Variants in WNT7B observed in about 807,000 individuals in gnomAD.
The protein encoded by WNT7B is protein Wnt-7b.
A neutral mutation model predicts 38.2 loss-of-function variants in WNT7B; 19 were observed. The ratio of observed to expected loss-of-function variants is 0.50; its 90% CI spans 0.35 to 0.73. The LOEUF is 0.73. Among genes scored for constraint, WNT7B ranks in the 30% least tolerant of loss-of-function variants. The pLI is 0.01. For missense variants in WNT7B, 423 were observed against 507.9 expected (o/e 0.83, Z 1.61); for synonymous variants, 243 against 209.3 (o/e 1.16, Z -1.39).
chr22:45,959,296 A>G (rs969081682), intron 1 of WNT7B, among the ~76,000 whole-genome samples: 4 of 152,158 alleles, frequency 2.6e-5, no homozygotes, highest in Non-Finnish European at 5.9e-5. Context: ...AGACTGTGTA[A>G]CAGGTCAGTC....
At position 45,920,479 on chromosome 22, in the gene WNT7B, C is replaced by A. The variant is rs1040902260; in HGVS notation, c.*2377G>T. On this transcript the variant is annotated 3_prime_UTR_variant, in exon 4 of 4. Transcript: ENST00000339464. ...ATCACCCCCATCTGGGCCACCCTGA[C>A]CCCCGTCTCACCCAGGCAAAGGGCC... 1 of 152,132 alleles carries A rather than the reference C, an allele frequency of 6.6e-6. No homozygotes were observed. The highest frequency in any genetic ancestry group is 1.5e-5 in the Non-Finnish European group (1 of 68,102). 9.4% of individuals were successfully genotyped at this position (152,132 alleles called of 1,614,324 possible). A position where few individuals can be genotyped will look rare whatever the true frequency, so the allele number is the denominator to read the frequency against.
At chr22:45,946,590 T>C (rs1166050847) in intron 2 of WNT7B, among the ~76,000 whole-genome samples, 1 of 152,100 alleles carries the variant, frequency 6.6e-6, no homozygotes, top group Admixed American at 6.5e-5. Context: ...ACATGAGGAA[T>C]AGGCCTGGGA....
chr22:45,938,764 C>T (rs552812627), intron 2 of WNT7B, among the ~76,000 whole-genome samples: 3 of 152,030 alleles, frequency 2.0e-5, no homozygotes, highest in Admixed American at 6.6e-5. Flanking sequence ...GAAGAGAGAA[C>T]TGGAAATGTT....
chr22:45,928,663 T>A (rs1931176815), intron 3 of WNT7B, among the ~76,000 whole-genome samples: 1 of 152,086 alleles, frequency 6.6e-6, no homozygotes, highest in South Asian at 2.1e-4. Flanking sequence ...TTTCCATCAC[T>A]TGTGAGTCAC....
Position 45,931,385 on chromosome 22 carries a change from G to T in WNT7B, c.299-16C>A, listed in dbSNP as rs188949123. Reference sequence around the variant, plus strand: ...TCACGGCTCCCTGCGGGGACAGACAGGTGCAGAAGGTGAGACCCCAGGCCC... The same window carrying T: ...TCACGGCTCCCTGCGGGGACAGACATGTGCAGAAGGTGAGACCCCAGGCCC... On this transcript the variant is annotated splice_polypyrimidine_tract_variant and intron_variant, in intron 2 of 3. Transcript: ENST00000339464. 107 of 1,569,428 alleles carry T rather than the reference G, an allele frequency of 6.8e-5. 2 individuals carry two copies. In the East Asian group the frequency reaches 2.2e-3, roughly 32 times the overall value.
In WNT7B at chr22:45,926,228, C is replaced by T. The variant is rs116910100; in HGVS notation, c.571-2893G>A. 298 of 985,412 alleles carry T rather than the reference C, an allele frequency of 3.0e-4. 1 individual carries two copies. The East Asian group carries it at 0.024, about 80-fold the overall frequency. 61.0% of individuals were successfully genotyped at this position (985,412 alleles called of 1,614,324 possible). A position where few individuals can be genotyped will look rare whatever the true frequency, so the allele number is the denominator to read the frequency against. On this transcript the variant is annotated intron_variant, in intron 3 of 3. Coordinates refer to ENST00000339464, the MANE Select transcript of WNT7B (RefSeq NM_058238.3). Reference sequence around the variant, plus strand: ...TTCCTTCTCCAGTGCCCTGGGCATTCGAGCAACAGCAATGGTGGTGCCAGC... The same window carrying T: ...TTCCTTCTCCAGTGCCCTGGGCATTTGAGCAACAGCAATGGTGGTGCCAGC...
At position 45,921,647 on chromosome 22, in the gene WNT7B, G is replaced by A. The variant is rs1054694701; in HGVS notation, c.*1209C>T. ...TCCCAGGGGTCAGGCTGGCTCCAGG[G>A]GGAAGGGGGTCTCTGTAAACTGGAG... On this transcript the variant is annotated 3_prime_UTR_variant, in exon 4 of 4. Coordinates refer to ENST00000339464, the MANE Select transcript of WNT7B (RefSeq NM_058238.3). 1.3e-5 allele frequency: 2 copies of A among 152,268 alleles called. No homozygotes were observed. Among genetic ancestry groups the A allele is most frequent in the Non-Finnish European group, 1.5e-5 (1 of 68,064 alleles). The allele number at this position is 152,268 out of a possible 1,614,324, so 9.4% of individuals were successfully genotyped here. A position where few individuals can be genotyped will look rare whatever the true frequency, so the allele number is the denominator to read the frequency against.
intron 1 of WNT7B, among the ~76,000 whole-genome samples, chr22:45,957,578 G>A (rs1313566751): frequency 6.7e-6 from 1 of 150,074 alleles, no homozygotes; most frequent in African/African-American, 2.5e-5. Flanking sequence ...CAGCTACTTG[G>A]GAGGCTGAGG....
chr22:45,972,424 G>T (rs1167617334), intron 1 of WNT7B: 3 of 252,884 alleles, frequency 1.2e-5, no homozygotes, highest in African/African-American at 6.9e-5. Flanking sequence ...ATGGCGCTGG[G>T]TCTGGGGCAG....
Position 45,977,037 on chromosome 22 carries a change from G to T in WNT7B, c.-283C>A, listed in dbSNP as rs967451856. ...CGTGGACCCCTGCAAGCGCGGGCCG[G>T]GGGCCCGGGCGCGGCTGGCGGGCGG... On this transcript the variant is annotated 5_prime_UTR_variant, in exon 1 of 4. Coordinates refer to ENST00000339464, the MANE Select transcript of WNT7B (RefSeq NM_058238.3). 1.0e-6 allele frequency: 1 copy of T among 984,418 alleles called. No homozygotes were observed. Among genetic ancestry groups the T allele is most frequent in the Admixed American group, 6.2e-5 (1 of 16,172 alleles). The allele number at this position is 984,418 out of a possible 1,614,324, so 61.0% of individuals were successfully genotyped here.
chr22:45,922,556 GAGA>G lies in WNT7B; in HGVS notation c.*297_*299del. Reference sequence around the variant, plus strand: ...TGTCCTGGACGTTCATTTTCCCAGAGAGAAGAAAGAGAACTTGCCGGGCCCCGT... The same window carrying G: ...TGTCCTGGACGTTCATTTTCCCAGAGAGAAAGAGAACTTGCCGGGCCCCGT... On this transcript the variant is annotated 3_prime_UTR_variant, in exon 4 of 4. Transcript: ENST00000339464. 1 of 421,700 alleles carries G rather than the reference GAGA, an allele frequency of 2.4e-6. No individual in the cohort carries two copies. Among genetic ancestry groups the G allele is most frequent in the South Asian group, 3.9e-5 (1 of 25,898 alleles). The allele number at this position is 421,700 out of a possible 1,614,324, so 26.1% of individuals were successfully genotyped here. A position where few individuals can be genotyped will look rare whatever the true frequency, so the allele number is the denominator to read the frequency against.
At chr22:45,964,510 G>A (rs1436125833) in intron 1 of WNT7B, among the ~76,000 whole-genome samples, 1 of 152,140 alleles carries the variant, frequency 6.6e-6, no homozygotes, top group Non-Finnish European at 1.5e-5. Flanking sequence ...TTCCTAGTGG[G>A]GGTGTCAGCC....
At chr22:45,927,599 T>G (rs1411425015) in intron 3 of WNT7B, 1 of 971,118 alleles carries the variant, frequency 1.0e-6, no homozygotes, top group Non-Finnish European at 1.6e-6. Flanking sequence ...AGTGTCCATA[T>G]AAGAGATGGA....
chr22:45,942,552 C>T (rs910141388), intron 2 of WNT7B, among the ~76,000 whole-genome samples: 2 of 152,348 alleles, frequency 1.3e-5, no homozygotes, highest in East Asian at 3.9e-4. Flanking sequence ...CCAGAGCCCT[C>T]GCCTGCCTGG....
intron 3 of WNT7B, among the ~76,000 whole-genome samples, chr22:45,929,892 C>A: frequency 6.8e-6 from 1 of 146,930 alleles, no homozygotes; most frequent in South Asian, 2.2e-4. Context: ...ACCCACTCAT[C>A]CACTCATCTA....
chr22:45,927,861 A>G (rs552821303), intron 3 of WNT7B, among the ~76,000 whole-genome samples: 1 of 152,300 alleles, frequency 6.6e-6, no homozygotes, highest in South Asian at 2.1e-4. Flanking sequence ...AGGCCACTGC[A>G]CTCCAGCCTC....
At chr22:45,948,048 G>C (rs374432713) in intron 2 of WNT7B, among the ~76,000 whole-genome samples, 1 of 152,212 alleles carries the variant, frequency 6.6e-6, no homozygotes, top group Non-Finnish European at 1.5e-5. Flanking sequence ...GCAGCAGGAC[G>C]ATTTCCACGT....
chr22:45,940,973 T>C (rs900547491), intron 2 of WNT7B, among the ~76,000 whole-genome samples: 7 of 152,302 alleles, frequency 4.6e-5, no homozygotes, highest in East Asian at 1.9e-4. Flanking sequence ...GGCTGTACCA[T>C]GTTGCCCTCA....
At chr22:45,971,648 G>A (rs887120537) in intron 1 of WNT7B, among the ~76,000 whole-genome samples, 1 of 152,228 alleles carries the variant, frequency 6.6e-6, no homozygotes, top group Non-Finnish European at 1.5e-5. Context: ...AAGCCGCAGC[G>A]ACTTCGGGGT....
Sources: allele counts gnomAD v4.1 joint callset (sites outside exome capture counted in the v4.1 genomes callset), GRCh38; gene constraint gnomAD v4.1.1; transcripts MANE v1.5; gene names NCBI Gene and HGNC (gene_info 2026-07-23, HGNC 2026-07-21).